Variants in EFCAB5 observed in about 807,000 individuals in gnomAD.
The protein encoded by EFCAB5 is EF-hand calcium binding domain 5.
In EFCAB5, 131 loss-of-function variants were observed where a neutral mutation model predicts 167.9. That is an observed-to-expected ratio of 0.78 (90% CI 0.68 to 0.90). The LOEUF is 0.90. Ranked by LOEUF, EFCAB5 falls within the 40% of genes least tolerant of loss-of-function variation. The pLI is 0.00. For synonymous variants in EFCAB5, 574 were observed against 602.8 expected, an observed-to-expected ratio of 0.95 and a Z score of 0.70; for missense variants, 1,663 against 1,745.2, an observed-to-expected ratio of 0.95 and a Z score of 0.84.
intron 20 of EFCAB5, 50 bp from the exon 21 acceptor site, chr17:30,091,821 A>C (rs1252349003): frequency 1.3e-6 from 2 of 1,567,160 alleles, no homozygotes; most frequent in Non-Finnish European, 1.7e-6. Context: ...AATGTACAGC[A>C]ATGTACATTA....
intron 22 of EFCAB5, among the ~76,000 whole-genome samples, chr17:30,094,818 G>C (rs1183891453): frequency 2.6e-5 from 4 of 152,232 alleles, no homozygotes; most frequent in Non-Finnish European, 4.4e-5. Flanking sequence ...GGCCTCCCAA[G>C]ACTGTGCCAT....
rs1212670584 is a variant in EFCAB5, at chr17:30,100,699, G to A, written c.4322-7135G>A. On this transcript the variant is annotated intron_variant, in intron 22 of 22. Coordinates refer to ENST00000394835, the MANE Select transcript of EFCAB5 (RefSeq NM_198529.4). ...GGTGAATTGTTGCAACCCAGGAGGCGGAGGTTGCAGTGAGCCAAGATCGCA... is the reference window on the plus strand; with the variant it reads ...GGTGAATTGTTGCAACCCAGGAGGCAGAGGTTGCAGTGAGCCAAGATCGCA... Among the ~76,000 whole-genome samples, 5 of 152,138 alleles carry A rather than the reference G, an allele frequency of 3.3e-5. No individual in the cohort carries two copies. The East Asian group carries it at 5.8e-4, about 18-fold the overall frequency.
chr17:29,987,623 T>A (rs565103324), intron 4 of EFCAB5, among the ~76,000 whole-genome samples: 5 of 152,190 alleles, frequency 3.3e-5, no homozygotes, highest in Non-Finnish European at 7.3e-5. Context: ...ATAATCCCTG[T>A]TTTCCCCCCT....
chr17:30,018,115 T>G (rs886197825), intron 7 of EFCAB5, among the ~76,000 whole-genome samples: 2 of 152,150 alleles, frequency 1.3e-5, no homozygotes, highest in Non-Finnish European at 2.9e-5. Flanking sequence ...TGGGTCACTT[T>G]TTTTTTCACC....
chr17:30,091,511 C>A lies in EFCAB5; in HGVS notation c.3938-360C>A, dbSNP rs551645470. 3.2e-3 allele frequency among the ~76,000 whole-genome samples: 491 copies of A among 152,280 alleles called. 2 individuals are homozygous for A. Among genetic ancestry groups the A allele is most frequent in the Non-Finnish European group, 5.6e-3 (380 of 68,030 alleles). The stretch of plus-strand genomic sequence containing the variant: ...TTTACATATATCATCTTCTCTAATT[C>A]TCACAGCTAACCAAGGAAGTAGGGA... On this transcript the variant is annotated intron_variant, in intron 20 of 22. Coordinates refer to ENST00000394835, the MANE Select transcript of EFCAB5 (RefSeq NM_198529.4).
chr17:30,041,932 G>A (rs1429592187), intron 8 of EFCAB5, among the ~76,000 whole-genome samples: 1 of 151,944 alleles, frequency 6.6e-6, no homozygotes, highest in Non-Finnish European at 1.5e-5. Context: ...CTTTTTTTAG[G>A]CAATTAATCT....
Position 30,057,880 on chromosome 17 carries a change from C to T in EFCAB5, c.2570C>T (p.Ala857Val). The change falls in exon 13 of 23, where the codon GCC becomes GTC. Residue 857 changes from alanine to valine, a missense_variant. Ala to Val is a moderately conservative substitution (Grantham distance 64). Transcript: ENST00000394835. Reference sequence around the variant, plus strand: ...GAAACAGAACAAGAGAAAATGAATGCCTTAGAACAGGTGGGTAATATTATT... The same window carrying T: ...GAAACAGAACAAGAGAAAATGAATGTCTTAGAACAGGTGGGTAATATTATT... ...YVETEQEKMN[A>V]LEQFSQNAFQ... The T allele has an allele frequency of 1.9e-6, 3 of 1,612,354 alleles. No individual in the cohort carries two copies. The highest frequency in any genetic ancestry group is 2.5e-6 in the Non-Finnish European group (3 of 1,179,056).
At chr17:30,017,319 G>A (rs1567716988) in intron 7 of EFCAB5, among the ~76,000 whole-genome samples, 1 of 152,110 alleles carries the variant, frequency 6.6e-6, no homozygotes, top group Non-Finnish European at 1.5e-5. Flanking sequence ...ATTCAATGTT[G>A]TAAAAGTGAT....
At chr17:29,980,931 T>C (rs1007054028) in intron 4 of EFCAB5, among the ~76,000 whole-genome samples, 24 of 152,224 alleles carry the variant, frequency 1.6e-4, no homozygotes, top group African/African-American at 5.5e-4. Context: ...CTCTCACTGT[T>C]CATTTCTAGT....
intron 1 of EFCAB5, among the ~76,000 whole-genome samples, chr17:29,935,719 AAAC>A (rs932440108): frequency 4.7e-5 from 7 of 149,776 alleles, no homozygotes; most frequent in African/African-American, 7.5e-5. Context: ...AGAAAAAAAA[AAAC>A]AAACAAACAA....
At chr17:30,059,911 T>G in intron 14 of EFCAB5, 2 of 277,320 alleles carry the variant, frequency 7.2e-6, no homozygotes, top group East Asian at 7.1e-5. Flanking sequence ...TGGGCTCTAA[T>G]TCCTGGGATC....
chr17:29,933,284 C>T (rs527252348), intron 1 of EFCAB5, among the ~76,000 whole-genome samples: 159 of 152,352 alleles, frequency 1.0e-3, no homozygotes, highest in Non-Finnish European at 2.0e-3. Context: ...CAAATGTGCT[C>T]TTTATGATAT....
rs938287054 is a variant in EFCAB5, at chr17:30,090,518, G to A, written c.3781G>A (p.Glu1261Lys). Residue 1261 changes from glutamate to lysine, a missense_variant, in exon 20 of 23, where the codon GAG (glutamate) becomes AAG (lysine). Coordinates refer to ENST00000394835, the MANE Select transcript of EFCAB5 (RefSeq NM_198529.4). Reference sequence around the variant, plus strand: ...AGTTCCACTTCGTGAGAGAACAGGAGAGGCTCTGGGAGTCCTCGATTTTAA... The same window carrying A: ...AGTTCCACTTCGTGAGAGAACAGGAAAGGCTCTGGGAGTCCTCGATTTTAA... The part of the protein sequence containing the change: ...IVVPLRERTG[E>K]ALGVLDFNIG... 1.9e-6 allele frequency: 3 copies of A among 1,613,918 alleles called. No homozygotes were observed. Among genetic ancestry groups the A allele is most frequent in the African/African-American group, 2.7e-5 (2 of 74,938 alleles).
chr17:30,060,948 G>A (rs986765021), intron 14 of EFCAB5, among the ~76,000 whole-genome samples: 14 of 152,120 alleles, frequency 9.2e-5, no homozygotes, highest in Non-Finnish European at 2.1e-4. Context: ...TTTTCAAAAC[G>A]AAGGCTTTAG....
intron 4 of EFCAB5, among the ~76,000 whole-genome samples, chr17:29,969,708 T>G (rs1366266393): frequency 6.6e-6 from 1 of 152,120 alleles, no homozygotes; most frequent in Non-Finnish European, 1.5e-5. Flanking sequence ...GGTTTAAAGG[T>G]CAATATGTAA....
chr17:29,958,344 G>A (rs1376722660), intron 3 of EFCAB5, among the ~76,000 whole-genome samples: 2 of 151,496 alleles, frequency 1.3e-5, no homozygotes, highest in African/African-American at 2.4e-5. Flanking sequence ...TTATAGTTTT[G>A]TCTCCTCTGA....
chr17:30,083,580 G>A (rs1193176430), intron 18 of EFCAB5, among the ~76,000 whole-genome samples: 2 of 152,086 alleles, frequency 1.3e-5, no homozygotes, highest in Non-Finnish European at 2.9e-5. Context: ...TCAGCCTCCC[G>A]AGTAGCTGGG....
At chr17:30,023,720 C>G (rs2069241806) in intron 7 of EFCAB5, among the ~76,000 whole-genome samples, 1 of 151,972 alleles carries the variant, frequency 6.6e-6, no homozygotes, top group African/African-American at 2.4e-5. Flanking sequence ...CGGGCAGAGA[C>G]ACAACAAAAA....
chr17:30,052,866 C>G (rs1042695932), intron 9 of EFCAB5, among the ~76,000 whole-genome samples: 1 of 152,188 alleles, frequency 6.6e-6, no homozygotes, highest in Non-Finnish European at 1.5e-5. Context: ...TTTTATATTG[C>G]AAATATTGAA....
Sources: gnomAD v4.1 joint callset for allele counts (sites outside exome capture counted in the v4.1 genomes callset) on GRCh38, gnomAD v4.1.1 for gene constraint, MANE v1.5 for transcripts, NCBI Gene and HGNC (gene_info 2026-07-23, HGNC 2026-07-21) for gene names.